Variants in TET2 observed in about 807,000 individuals in gnomAD.
TET2 encodes the protein tet methylcytosine dioxygenase 2.
Under a neutral mutation model 142.9 loss-of-function variants are expected in TET2, and 299 were observed. That is an observed-to-expected ratio of 2.09 (90% CI 1.90 to 2.30). TET2 has a LOEUF of 2.30. TET2 is among the 30% of genes most tolerant of loss of function. The probability of loss-of-function intolerance (pLI) is 0.00; values close to 1 mark genes in which losing one functional copy is unlikely to be tolerated. For missense variants in TET2, 2,418 were observed against 2,378.0 expected (o/e 1.02, Z -0.35); for synonymous variants, 819 against 849.0 (o/e 0.96, Z 0.61).
rs533589053 is a variant in TET2, at chr4:105,169,356, G to A, written c.-192-21004G>A. ...ATATTGAACATTTTCTCATATGTTT[G>A]TTGGTCATTTGTATATCTTCTTTTT... On this transcript the variant is annotated intron_variant, in intron 1 of 10. Coordinates refer to ENST00000380013, the MANE Select transcript of TET2 (RefSeq NM_001127208.3). Among the ~76,000 whole-genome samples the A allele has an allele frequency of 6.6e-5, 10 of 152,258 alleles. No individual in the cohort carries two copies. The East Asian group carries it at 1.9e-3, about 29-fold the overall frequency.
At chr4:105,243,844 A>C in intron 6 of TET2, 66 bp downstream of exon 6, 1 of 1,424,008 alleles carries the variant, frequency 7.0e-7, no homozygotes, top group Non-Finnish European at 9.7e-7. Flanking sequence ...TCTTTGGTTG[A>C]AAGGAAGAGA....
Position 105,235,777 on chromosome 4 carries a change from CT to C in TET2, c.1836del (p.Leu615SerfsTer24). 6.2e-7 allele frequency: 1 copy of C among 1,614,122 alleles called. No individual in the cohort carries two copies. The highest frequency in any genetic ancestry group is 8.5e-7 in the Non-Finnish European group (1 of 1,180,026). On this transcript the variant is annotated frameshift_variant, in exon 3 of 11. Transcript: ENST00000380013. LOFTEE classifies it high-confidence loss of function. ...CAATACACTGGAAATTCCAACATGCCTGGGGGGCTCCCAAGGCAAGCTTACA... is the reference window on the plus strand; with the variant it reads ...CAATACACTGGAAATTCCAACATGCCGGGGGGCTCCCAAGGCAAGCTTACA... ...SKQYTGNSNM[P>X]GGLPRQAYTQ...
At chr4:105,241,803 G>A (rs1357352476) in intron 4 of TET2, 30 of 1,249,186 alleles carry the variant, frequency 2.4e-5, no homozygotes, top group Non-Finnish European at 2.8e-5. Flanking sequence ...GTAAAGTGTG[G>A]TATAAGAAAA....
chr4:105,243,832 A>G (rs1380470965), intron 6 of TET2, 54 bp downstream of exon 6: 3 of 1,481,574 alleles, frequency 2.0e-6, no homozygotes, highest in Non-Finnish European at 1.8e-6. Context: ...AGGAAAGCCC[A>G]ATCTTTGGTT....
intron 2 of TET2, among the ~76,000 whole-genome samples, chr4:105,199,717 C>T (rs1191079178): frequency 3.9e-5 from 6 of 152,112 alleles, no homozygotes; most frequent in Non-Finnish European, 5.9e-5. Context: ...TGATAGGCCC[C>T]GGTGTGTGTT....
rs184115688 is a variant in TET2 at position 105,245,724 on chromosome 4, T to G, written c.3803+1946T>G. Among the ~76,000 whole-genome samples the G allele has an allele frequency of 8.5e-5, 13 of 152,290 alleles. No individual in the cohort carries two copies. The East Asian group carries it at 2.5e-3, about 29-fold the overall frequency. ...AGGTGCCTTTAATTAGAAAAAAAAT[T>G]AAAAATTAAGGCAACTTGTGCTCAT... On this transcript the variant is annotated intron_variant, in intron 6 of 10. Transcript: ENST00000380013.
intron 2 of TET2, among the ~76,000 whole-genome samples, chr4:105,229,774 AT>A (rs567046005): frequency 3.3e-5 from 5 of 150,762 alleles, no homozygotes; most frequent in Non-Finnish European, 4.4e-5. Flanking sequence ...TCCAGAGATG[AT>A]TTTTTTTTAT....
intron 2 of TET2, among the ~76,000 whole-genome samples, chr4:105,211,364 T>G (rs1018386312): frequency 6.6e-6 from 1 of 152,172 alleles, no homozygotes; most frequent in Non-Finnish European, 1.5e-5. Flanking sequence ...ACTTCACTGG[T>G]GAAGGAATCC....
In TET2 at chr4:105,236,800, G is replaced by A. The variant is rs747747352; in HGVS notation, c.2858G>A (p.Arg953Lys). The change falls in exon 3 of 11, where the codon AGG (arginine) becomes AAG (lysine). Residue 953 changes from arginine to lysine, a missense_variant. By Grantham distance (26) the Arg-to-Lys change is conservative. Transcript: ENST00000380013. ...QKDTQKHAAL[R>K]WHLLQKQEQQ... is the part of the protein sequence containing the mutation. Reference sequence around the variant, plus strand: ...GACACTCAAAAGCATGCTGCTCTAAGGTGGCATCTCTTACAGAAGCAAGAA... The same window carrying A: ...GACACTCAAAAGCATGCTGCTCTAAAGTGGCATCTCTTACAGAAGCAAGAA... 1.9e-6 allele frequency: 3 copies of A among 1,613,936 alleles called. No individual in the cohort carries two copies. The highest frequency in any genetic ancestry group is 1.3e-5 in the African/African-American group (1 of 74,884).
At position 105,279,673 on chromosome 4, in the gene TET2, TG is replaced by T. The variant is rs1731370743; in HGVS notation, c.*3156del. 1 of 230,496 alleles carries T rather than the reference TG, an allele frequency of 4.3e-6. No homozygotes were observed. The highest frequency in any genetic ancestry group is 1.8e-4 in the South Asian group (1 of 5,508). The allele number at this position is 230,496 out of a possible 1,614,324, so 14.3% of individuals were successfully genotyped here. The stretch of plus-strand genomic sequence containing the variant: ...ATGTTTGGTTTATAAGATCTGAGGA[TG>T]GTTATAAATACTGTAAGTATTGTAA... On this transcript the variant is annotated 3_prime_UTR_variant, in exon 11 of 11. Transcript: ENST00000380013.
intron 3 of TET2, chr4:105,237,592 C>G: frequency 6.8e-7 from 1 of 1,468,254 alleles, no homozygotes; most frequent in Non-Finnish European, 9.0e-7. Flanking sequence ...TTTATTTTTC[C>G]CTCTCTTCAG....
chr4:105,241,858 T>C (rs751725315), intron 4 of TET2: 136 of 1,246,758 alleles, frequency 1.1e-4, no homozygotes, highest in Non-Finnish European at 1.3e-4. Context: ...TGAGTACTTA[T>C]CTCTAAGTTT....
intron 7 of TET2, among the ~76,000 whole-genome samples, chr4:105,261,106 G>T (rs1730401243): frequency 6.6e-6 from 1 of 151,738 alleles, no homozygotes; most frequent in Admixed American, 6.6e-5. Flanking sequence ...CTGAAATGAA[G>T]ACTTCTAAGT....
At chr4:105,256,028 A>G (rs370296619) in intron 6 of TET2, among the ~76,000 whole-genome samples, 57 of 152,198 alleles carry the variant, frequency 3.7e-4, no homozygotes, top group African/African-American at 1.2e-3. Flanking sequence ...ATATAGCTAC[A>G]TTCCCTCTTT....
intron 1 of TET2, among the ~76,000 whole-genome samples, chr4:105,158,976 G>A (rs1723700263): frequency 6.6e-6 from 1 of 152,108 alleles, no homozygotes; most frequent in Non-Finnish European, 1.5e-5. Context: ...CATTTGACAC[G>A]TGGGTACCGT....
chr4:105,235,067 A>C lies in TET2; in HGVS notation c.1125A>C (p.Glu375Asp), dbSNP rs201587678. 3.7e-6 allele frequency: 6 copies of C among 1,614,084 alleles called. No individual in the cohort carries two copies. Among genetic ancestry groups the C allele is most frequent in the Non-Finnish European group, 3.4e-6 (4 of 1,180,016 alleles). ...CTGAACGGTATTTAAAACAAAATGAAATGAATGGTGCTTACTTCAAGCAAA... is the reference window on the plus strand; with the variant it reads ...CTGAACGGTATTTAAAACAAAATGACATGAATGGTGCTTACTTCAAGCAAA... ...GSSERYLKQNEMNGAYFKQSS... is the reference protein window; with the variant it reads ...GSSERYLKQNDMNGAYFKQSS... The change falls in exon 3 of 11, where the codon GAA becomes GAC. Residue 375 changes from glutamate (E) to aspartate (D), a missense_variant. Physicochemically the swap from Glu to Asp is conservative, Grantham distance 45. Coordinates refer to ENST00000380013, the MANE Select transcript of TET2 (RefSeq NM_001127208.3).
chr4:105,262,115 T>C (rs1439201804), intron 8 of TET2, among the ~76,000 whole-genome samples: 1 of 152,154 alleles, frequency 6.6e-6, no homozygotes, highest in African/African-American at 2.4e-5. Context: ...ATGAATAATT[T>C]TGTTTCTGTA....
chr4:105,272,732 C>T lies in TET2; in HGVS notation c.4351C>T (p.Arg1451Trp), dbSNP rs1395976555. 1.9e-6 allele frequency: 3 copies of T among 1,551,582 alleles called. No individual in the cohort carries two copies. Among genetic ancestry groups the T allele is most frequent in the South Asian group, 1.2e-5 (1 of 84,056 alleles). The change falls in exon 10 of 11, where the codon CGG (arginine) becomes TGG (tryptophan). Residue 1451 changes from arginine (R) to tryptophan (W), a missense_variant. Coordinates refer to ENST00000380013, the MANE Select transcript of TET2 (RefSeq NM_001127208.3). The stretch of plus-strand genomic sequence containing the variant: ...TGCCATTCAGGTACTGAGTTCTTTT[C>T]GGCGAAAAGTCAGGATGTTAGCAGA... ...SGAIQVLSSF[R>W]RKVRMLAEPV...
At position 105,222,873 on chromosome 4, in the gene TET2, A is replaced by C. The variant is rs933751501; in HGVS notation, c.-46-11024A>C. Among the ~76,000 whole-genome samples the C allele has an allele frequency of 3.9e-5, 6 of 152,236 alleles. 1 individual carries two copies. Among genetic ancestry groups the C allele is most frequent in the Admixed American group, 3.3e-4 (5 of 15,280 alleles). On this transcript the variant is annotated intron_variant, in intron 2 of 10. Coordinates refer to ENST00000380013, the MANE Select transcript of TET2 (RefSeq NM_001127208.3). The stretch of plus-strand genomic sequence containing the variant: ...GGTCTAACGTTTAAGTCTTTAATCC[A>C]TCTTGAATTGATTTTTGTATAAGGT...
Sources: allele counts gnomAD v4.1 joint callset (sites outside exome capture counted in the v4.1 genomes callset), GRCh38; gene constraint gnomAD v4.1.1; transcripts MANE v1.5; gene names NCBI Gene and HGNC (gene_info 2026-07-23, HGNC 2026-07-21).